The following NUP37 variants were observed in gnomAD, a reference collection of about 807,000 sequenced individuals.
NUP37 encodes the protein nucleoporin 37, also known as nucleoporin Nup37.
A neutral mutation model predicts 45.4 loss-of-function variants in NUP37; 33 were observed. The observed-to-expected ratio is 0.73, with a 90% CI of 0.55 to 0.97. The LOEUF (loss-of-function observed/expected upper bound fraction) is 0.97. Among genes scored for constraint, NUP37 ranks in the 50% least tolerant of loss-of-function variants. The pLI, the probability that NUP37 is intolerant of heterozygous loss-of-function variation, is 0.00. For missense variants in NUP37, 365 were observed against 389.7 expected, an observed-to-expected ratio of 0.94 and a Z score of 0.53; for synonymous variants, 127 against 130.7, an observed-to-expected ratio of 0.97 and a Z score of 0.19.
At chr12:102,074,500 G>T in intron 9 of NUP37, 33 bp from the exon 10 acceptor site, 1 of 1,223,456 alleles carries the variant, frequency 8.2e-7, no homozygotes. Context: ...AAGAAGCACA[G>T]TAAGTCCCCA....
In NUP37 at chr12:102,101,019, G is replaced by A; in HGVS notation, c.354+13C>T. On this transcript the variant is annotated intron_variant, in intron 4 of 9. Transcript: ENST00000552283. ...AAAATAAGCTCTAAAGATTTATATG[G>A]TTGTCAACATACCTTATATTCATTT... is the stretch of plus-strand genomic sequence containing the variant. The A allele has an allele frequency of 1.4e-6, 2 of 1,416,436 alleles. No homozygotes were observed. Among genetic ancestry groups the A allele is most frequent in the Non-Finnish European group, 1.9e-6 (2 of 1,029,334 alleles). The allele number at this position is 1,416,436 out of a possible 1,614,324, so 87.7% of individuals were successfully genotyped here. A position where few individuals can be genotyped will look rare whatever the true frequency, so the allele number is the denominator to read the frequency against.
intron 8 of NUP37, among the ~76,000 whole-genome samples, chr12:102,075,397 G>T (rs530679049): frequency 2.0e-5 from 3 of 152,128 alleles, no homozygotes; most frequent in South Asian, 2.1e-4. Context: ...GCCCAGGCAG[G>T]TCTCAAACTC....
chr12:102,093,132 AGTT>A (rs1276763676), intron 5 of NUP37, among the ~76,000 whole-genome samples: 1 of 152,082 alleles, frequency 6.6e-6, no homozygotes, highest in Non-Finnish European at 1.5e-5. Flanking sequence ...TCAAAATCAG[AGTT>A]GATAATAAAG....
intron 5 of NUP37, among the ~76,000 whole-genome samples, chr12:102,087,912 C>G (rs1879517798): frequency 6.6e-6 from 1 of 151,974 alleles, no homozygotes; most frequent in Non-Finnish European, 1.5e-5. Context: ...GTATTCCTGT[C>G]CAATGAACCA....
At chr12:102,108,196 A>G (rs921665953) in intron 3 of NUP37, among the ~76,000 whole-genome samples, 1 of 152,144 alleles carries the variant, frequency 6.6e-6, no homozygotes, top group Non-Finnish European at 1.5e-5. Context: ...ACACACCCAT[A>G]ATGTGGGTGG....
chr12:102,079,950 T>C (rs1372410530), intron 6 of NUP37, among the ~76,000 whole-genome samples: 1 of 152,188 alleles, frequency 6.6e-6, no homozygotes, highest in Non-Finnish European at 1.5e-5. Context: ...AGAAGTGCTA[T>C]GAGCATTGAT....
chr12:102,079,436 A>C (rs983779736), intron 6 of NUP37, among the ~76,000 whole-genome samples: 5 of 152,210 alleles, frequency 3.3e-5, no homozygotes, highest in African/African-American at 9.6e-5. Flanking sequence ...AAGTTGCTGC[A>C]AACACTCAAC....
intron 8 of NUP37, among the ~76,000 whole-genome samples, chr12:102,076,516 G>C (rs1879172261): frequency 6.6e-6 from 1 of 152,130 alleles, no homozygotes; most frequent in Admixed American, 6.5e-5. Flanking sequence ...TAACAGCACA[G>C]AACAATCAGG....
intron 5 of NUP37, among the ~76,000 whole-genome samples, chr12:102,098,349 C>A (rs956814872): frequency 6.6e-6 from 1 of 152,108 alleles, no homozygotes; most frequent in Non-Finnish European, 1.5e-5. Context: ...CTAAAGAAAA[C>A]CTTATGCAGA....
rs563433950 is a variant in NUP37, at chr12:102,113,239, C to A, written c.157-1007G>T. Among the ~76,000 whole-genome samples, 16 of 152,270 alleles carry A rather than the reference C, an allele frequency of 1.1e-4. No individual in the cohort carries two copies. In the South Asian group the frequency reaches 3.3e-3, roughly 32 times the overall value. On this transcript the variant is annotated intron_variant, in intron 2 of 9. Transcript: ENST00000552283. ...AAGAGAGAAGAGACAAATCCTAGTG[C>A]CTGCACAAGGAAGGATGCCAGATCA... is the stretch of plus-strand genomic sequence containing the variant.
chr12:102,077,237 G>A, intron 7 of NUP37, 85 bp downstream of exon 7: 1 of 1,362,112 alleles, frequency 7.3e-7, no homozygotes, highest in Non-Finnish European at 1.0e-6. Context: ...ATAGTCTCAG[G>A]TATAACAGGA....
rs200776224 is a variant in NUP37, at chr12:102,112,730, T to TA, written c.157-499dup. On this transcript the variant is annotated intron_variant, in intron 2 of 9. Coordinates refer to ENST00000552283, the MANE Select transcript of NUP37 (RefSeq NM_024057.4). ...GAACCGGATTATCTACTGACAATAT[T>TA]AAAAAAATACACTGTACATTCTCAC... Among the ~76,000 whole-genome samples the TA allele has an allele frequency of 6.6e-3, 1,001 of 152,222 alleles. 28 individuals carry two copies. The East Asian group carries it at 0.074, about 11-fold the overall frequency.
chr12:102,082,284 A>G (rs1460322638), intron 6 of NUP37, among the ~76,000 whole-genome samples: 2 of 151,878 alleles, frequency 1.3e-5, no homozygotes, highest in South Asian at 4.2e-4. Context: ...TAAGAATTCT[A>G]TGAGATAGGT....
At chr12:102,112,508 A>C (rs1880345620) in intron 2 of NUP37, among the ~76,000 whole-genome samples, 2 of 152,168 alleles carry the variant, frequency 1.3e-5, no homozygotes, top group Admixed American at 1.3e-4. Flanking sequence ...ATGAAAATGG[A>C]CTGCTTGGTC....
chr12:102,094,670 T>C (rs1879751991), intron 5 of NUP37, among the ~76,000 whole-genome samples: 1 of 152,134 alleles, frequency 6.6e-6, no homozygotes, highest in South Asian at 2.1e-4. Context: ...ACTATATTAC[T>C]GGCTTAGTGA....
rs768213245 is a variant in NUP37 at position 102,074,458 on chromosome 12, T to G, written c.877A>C (p.Met293Leu). The change falls in exon 10 of 10, where the codon ATG becomes CTG. Residue 293 changes from methionine to leucine, a missense_variant. By Grantham distance (15) the Met-to-Leu change is conservative. Coordinates refer to ENST00000552283, the MANE Select transcript of NUP37 (RefSeq NM_024057.4). Reference protein sequence around the residue: ...HHLGHPQPILMGSVAVGSGLS... With the variant: ...HHLGHPQPILLGSVAVGSGLS... ...CCAGATCCAACGGCTACAGAACCCA[T>G]GAGGATGGGCTATAAAATATGTGAA... The G allele has an allele frequency of 4.4e-6, 7 of 1,599,464 alleles. No homozygotes were observed. Among genetic ancestry groups the G allele is most frequent in the African/African-American group, 2.7e-5 (2 of 74,400 alleles).
chr12:102,085,843 C>G lies in NUP37; in HGVS notation c.463G>C (p.Glu155Gln), dbSNP rs770155748. Residue 155 changes from glutamate to glutamine, a missense_variant, in exon 6 of 10, where the codon GAA becomes CAA. Physicochemically the swap from Glu to Gln is conservative, Grantham distance 29. Coordinates refer to ENST00000552283, the MANE Select transcript of NUP37 (RefSeq NM_024057.4). ...DDHTCRIWNL[E>Q]GVQTAHFVLH... ...ACAAAATGAGCTGTTTGCACTCCTTCCAAGTTCCAAATCCTAATAAAAGAA... is the reference window on the plus strand; with the variant it reads ...ACAAAATGAGCTGTTTGCACTCCTTGCAAGTTCCAAATCCTAATAAAAGAA... 2 of 1,569,982 alleles carry G rather than the reference C, an allele frequency of 1.3e-6. No homozygotes were observed. Among genetic ancestry groups the G allele is most frequent in the Admixed American group, 1.7e-5 (1 of 58,984 alleles).
chr12:102,077,292 G>A (rs753338331), intron 7 of NUP37, 30 bp downstream of exon 7: 1 of 1,608,018 alleles, frequency 6.2e-7, no homozygotes, highest in Admixed American at 1.7e-5. Context: ...TTTTTTTGGT[G>A]TGTAATAGAC....
intron 6 of NUP37, among the ~76,000 whole-genome samples, chr12:102,079,601 A>C (rs1879275834): frequency 1.3e-5 from 2 of 152,200 alleles, no homozygotes; most frequent in African/African-American, 4.8e-5. Context: ...CACCATGAAC[A>C]GTGCTATAAC....
Sources: gnomAD v4.1 joint callset for allele counts (sites outside exome capture counted in the v4.1 genomes callset) on GRCh38, gnomAD v4.1.1 for gene constraint, MANE v1.5 for transcripts, NCBI Gene and HGNC (gene_info 2026-07-23, HGNC 2026-07-21) for gene names.